The following ZYG11B variants were observed in gnomAD, a reference collection of about 807,000 sequenced individuals.
ZYG11B encodes protein zyg-11 homolog B.
ZYG11B carries 36 observed loss-of-function variants against 82.4 expected under a neutral mutation model. The observed-to-expected ratio is 0.44, with a 90% CI of 0.33 to 0.58. The LOEUF (loss-of-function observed/expected upper bound fraction) is 0.58, where lower values mean the gene tolerates loss of function less well. Among genes scored for constraint, ZYG11B ranks in the 20% least tolerant of loss-of-function variants. The pLI, the probability that ZYG11B is intolerant of heterozygous loss-of-function variation, is 0.02. For missense variants in ZYG11B, 552 were observed against 895.6 expected, an observed-to-expected ratio of 0.62 and a Z score of 4.90; for synonymous variants, 303 against 312.8, an observed-to-expected ratio of 0.97 and a Z score of 0.33.
At chr1:52,787,111 A>G (rs1170283766) in intron 5 of ZYG11B, among the ~76,000 whole-genome samples, 2 of 152,022 alleles carry the variant, frequency 1.3e-5, no homozygotes, top group Non-Finnish European at 2.9e-5. Flanking sequence ...AAGTGTTCAC[A>G]GTAGCACTGT....
At chr1:52,739,504 C>T (rs920394538) in intron 1 of ZYG11B, among the ~76,000 whole-genome samples, 5 of 152,164 alleles carry the variant, frequency 3.3e-5, no homozygotes, top group African/African-American at 1.2e-4. Flanking sequence ...TTTTTATAGG[C>T]TTAAATTTTG....
intron 1 of ZYG11B, among the ~76,000 whole-genome samples, chr1:52,754,051 A>G (rs1373808174): frequency 6.8e-6 from 1 of 146,598 alleles, no homozygotes; most frequent in African/African-American, 2.5e-5. Flanking sequence ...TTTGAGATGG[A>G]GTCTGGCTCT....
At position 52,730,951 on chromosome 1, in the gene ZYG11B, G is replaced by T. The variant is rs186197911; in HGVS notation, c.30+4268G>T. Among the ~76,000 whole-genome samples, 201 of 152,122 alleles carry T rather than the reference G, an allele frequency of 1.3e-3. 1 individual carries two copies. The highest frequency in any genetic ancestry group is 4.6e-3 in the African/African-American group (189 of 41,496). On this transcript the variant is annotated intron_variant, in intron 1 of 13. Transcript: ENST00000294353. ...TCTTACTTTCAAGTAGAGAACTGAGGGATTAAATTGTAGGAGTTATGTAAA... is the reference window on the plus strand; with the variant it reads ...TCTTACTTTCAAGTAGAGAACTGAGTGATTAAATTGTAGGAGTTATGTAAA...
intron 2 of ZYG11B, among the ~76,000 whole-genome samples, chr1:52,761,239 ATTG>A (rs1349723901): frequency 1.3e-5 from 2 of 152,172 alleles, no homozygotes; most frequent in African/African-American, 4.8e-5. Context: ...ACTATGAATT[ATTG>A]TTAACTGTAG....
At chr1:52,751,438 T>C (rs940125178) in intron 1 of ZYG11B, among the ~76,000 whole-genome samples, 10 of 149,446 alleles carry the variant, frequency 6.7e-5, no homozygotes, top group African/African-American at 2.4e-4. Context: ...GAGACCAGCC[T>C]GGCCAACATG....
chr1:52,789,202 T>C (rs1254233147), intron 5 of ZYG11B, among the ~76,000 whole-genome samples: 2 of 152,222 alleles, frequency 1.3e-5, no homozygotes, highest in South Asian at 2.1e-4. Flanking sequence ...AAATAGGGTG[T>C]TCATTTTATA....
intron 1 of ZYG11B, among the ~76,000 whole-genome samples, chr1:52,754,965 T>TC (rs1644560718): frequency 6.7e-6 from 1 of 149,384 alleles, no homozygotes; most frequent in African/African-American, 2.5e-5. Flanking sequence ...TATTCTTTTT[T>TC]TTTTTTTTTT....
intron 3 of ZYG11B, among the ~76,000 whole-genome samples, chr1:52,774,046 G>A (rs1041789275): frequency 6.6e-6 from 1 of 151,974 alleles, no homozygotes; most frequent in Non-Finnish European, 1.5e-5. Flanking sequence ...GACTGCGTTA[G>A]GAAGAGAGGT....
intron 6 of ZYG11B, among the ~76,000 whole-genome samples, chr1:52,792,993 G>A (rs967334011): frequency 1.4e-4 from 21 of 151,920 alleles, no homozygotes; most frequent in Non-Finnish European, 3.1e-4. Flanking sequence ...GATGTGCGCC[G>A]CTACGCAAGG....
chr1:52,804,623 A>G (rs1369255308), intron 10 of ZYG11B, among the ~76,000 whole-genome samples: 1 of 151,532 alleles, frequency 6.6e-6, no homozygotes, highest in Non-Finnish European at 1.5e-5. Context: ...AAAAAAAAAC[A>G]AAAAACAAAA....
intron 3 of ZYG11B, among the ~76,000 whole-genome samples, chr1:52,776,229 A>AAAAAAAAAAAAAAAATATATATAT: frequency 4.7e-4 from 11 of 23,538 alleles, no homozygotes; most frequent in African/African-American, 1.0e-3. Context: ...TAAAAAAAAA[A>AAAAAAAAAAAAAAAATATATATAT]ATATATATAT....
intron 3 of ZYG11B, chr1:52,772,318 G>A: frequency 7.1e-7 from 1 of 1,412,994 alleles, no homozygotes; most frequent in Middle Eastern, 2.3e-4. Context: ...ATGGAATTTA[G>A]CATCCTTATC....
At chr1:52,753,991 A>G (rs2149928288) in intron 1 of ZYG11B, among the ~76,000 whole-genome samples, 1 of 149,742 alleles carries the variant, frequency 6.7e-6, no homozygotes, top group South Asian at 2.1e-4. Flanking sequence ...TCGGCCTCCC[A>G]AGTATTACAG....
At chr1:52,804,808 T>C (rs990571331) in intron 10 of ZYG11B, among the ~76,000 whole-genome samples, 7 of 151,640 alleles carry the variant, frequency 4.6e-5, no homozygotes, top group African/African-American at 7.3e-5. Context: ...GAAAAAAATA[T>C]TGGTCAGGTG....
intron 1 of ZYG11B, among the ~76,000 whole-genome samples, chr1:52,728,587 TATTG>T (rs1325414373): frequency 6.6e-6 from 1 of 152,166 alleles, no homozygotes; most frequent in African/African-American, 2.4e-5. Context: ...GCAAAAATGA[TATTG>T]AGTGAGGTAT....
Position 52,780,677 on chromosome 1 carries a change from G to A in ZYG11B, c.1092+684G>A, listed in dbSNP as rs189400780. On this transcript the variant is annotated intron_variant, in intron 4 of 13. Coordinates refer to ENST00000294353, the MANE Select transcript of ZYG11B (RefSeq NM_024646.3). ...GTGTTCCCCAGGCAAGAGTGCAGTG[G>A]CTGTTCACAGGCCTCAAACTCCTGG... 2.0e-4 allele frequency among the ~76,000 whole-genome samples: 31 copies of A among 152,228 alleles called. No homozygotes were observed. In the East Asian group the frequency reaches 6.0e-3, roughly 29 times the overall value.
chr1:52,743,342 G>T (rs1249869991), intron 1 of ZYG11B, among the ~76,000 whole-genome samples: 2 of 130,106 alleles, frequency 1.5e-5, no homozygotes, highest in Non-Finnish European at 3.1e-5. Flanking sequence ...CTCCACTATT[G>T]TCCTATGACC....
chr1:52,819,857 G>A (rs982231424), intron 13 of ZYG11B, among the ~76,000 whole-genome samples: 7 of 151,402 alleles, frequency 4.6e-5, no homozygotes, highest in African/African-American at 1.5e-4. Flanking sequence ...CTACTTTTAG[G>A]TATTAGAGTT....
At chr1:52,752,203 G>A (rs1644532250) in intron 1 of ZYG11B, among the ~76,000 whole-genome samples, 1 of 151,984 alleles carries the variant, frequency 6.6e-6, no homozygotes, top group African/African-American at 2.4e-5. Flanking sequence ...CCCTCCCTGG[G>A]TTTGATAATT....
Sources: gnomAD v4.1 joint callset for allele counts (sites outside exome capture counted in the v4.1 genomes callset) on GRCh38, gnomAD v4.1.1 for gene constraint, MANE v1.5 for transcripts, NCBI Gene and HGNC (gene_info 2026-07-23, HGNC 2026-07-21) for gene names.